The following PCGF5 variants were observed in gnomAD, a reference collection of about 807,000 sequenced individuals.
PCGF5 encodes the protein polycomb group RING finger protein 5.
A neutral mutation model predicts 44.3 loss-of-function variants in PCGF5; 9 were observed. That is an observed-to-expected ratio of 0.20 (90% CI 0.12 to 0.35). The LOEUF is 0.35. Ranked by LOEUF, PCGF5 falls within the 10% of genes least tolerant of loss-of-function variation. The pLI, the probability that PCGF5 is intolerant of heterozygous loss-of-function variation, is 1.00. For synonymous variants in PCGF5, 95 were observed against 102.5 expected (o/e 0.93, Z 0.44); for missense variants, 146 against 305.3 (o/e 0.48, Z 3.89).
chr10:91,214,254 A>G (rs915087775), intron 1 of PCGF5, among the ~76,000 whole-genome samples: 14 of 151,724 alleles, frequency 9.2e-5, no homozygotes, highest in African/African-American at 3.4e-4. Context: ...ATGAGGCGTG[A>G]TTGCACCACT....
intron 6 of PCGF5, 74 bp from the exon 7 acceptor site, chr10:91,261,252 A>G (rs1845901591): frequency 7.3e-7 from 1 of 1,363,640 alleles, no homozygotes; most frequent in Non-Finnish European, 9.6e-7. Flanking sequence ...ACTGGTAGCT[A>G]TGGTTTCACC....
chr10:91,249,448 A>C (rs1432155503), intron 5 of PCGF5, among the ~76,000 whole-genome samples: 2 of 147,194 alleles, frequency 1.4e-5, no homozygotes, highest in Admixed American at 6.8e-5. Flanking sequence ...AGGGATATTA[A>C]AATTATAAGA....
chr10:91,274,690 G>A (rs1347057540), intron 9 of PCGF5, among the ~76,000 whole-genome samples: 2 of 152,328 alleles, frequency 1.3e-5, no homozygotes, highest in African/African-American at 2.4e-5. Flanking sequence ...GCCAAGAGAA[G>A]CCCTCTTTGA....
Position 91,222,684 on chromosome 10 carries a change from A to C in PCGF5, c.-183-5A>C, listed in dbSNP as rs182260362. 12 of 513,196 alleles carry C rather than the reference A, an allele frequency of 2.3e-5. No individual in the cohort carries two copies. Among genetic ancestry groups the C allele is most frequent in the Non-Finnish European group, 4.1e-5 (12 of 290,026 alleles). The allele number at this position is 513,196 out of a possible 1,614,324, so 31.8% of individuals were successfully genotyped here. Reference sequence around the variant, plus strand: ...CTCATCTTTTTGAAATGATTTTGGAAACAGACATGGGAAAGCGGAACCACC... The same window carrying C: ...CTCATCTTTTTGAAATGATTTTGGACACAGACATGGGAAAGCGGAACCACC... On this transcript the variant is annotated splice_polypyrimidine_tract_variant and splice_region_variant and intron_variant, in intron 1 of 9. Transcript: ENST00000336126.
chr10:91,265,917 G>C (rs7921621), intron 8 of PCGF5, among the ~76,000 whole-genome samples: 19,875 of 152,094 alleles, frequency 0.13, 2,440 homozygotes, highest in African/African-American at 0.32. Flanking sequence ...TGAAGAACTT[G>C]TCATACATGT....
At chr10:91,206,439 A>C (rs1013360849) in intron 1 of PCGF5, among the ~76,000 whole-genome samples, 2 of 152,122 alleles carry the variant, frequency 1.3e-5, no homozygotes, top group Non-Finnish European at 2.9e-5. Flanking sequence ...GGATTAAAAG[A>C]GAGTGGGAGG....
intron 2 of PCGF5, chr10:91,227,934 A>G (rs1844892914): frequency 1.0e-6 from 1 of 976,818 alleles, no homozygotes; most frequent in Non-Finnish European, 1.2e-6. Flanking sequence ...AAAATCTTAA[A>G]TGAATAAATG....
chr10:91,223,196 T>C (rs1186645101), intron 2 of PCGF5, among the ~76,000 whole-genome samples: 4 of 152,238 alleles, frequency 2.6e-5, no homozygotes, highest in Admixed American at 1.3e-4. Context: ...TTGACTCTTA[T>C]CACATTGTAA....
chr10:91,255,963 A>G (rs1554850676), intron 6 of PCGF5, among the ~76,000 whole-genome samples: 1 of 152,076 alleles, frequency 6.6e-6, no homozygotes, highest in Non-Finnish European at 1.5e-5. Flanking sequence ...CTATGTAAGT[A>G]GTTGTTAATA....
chr10:91,242,790 C>A (rs116322091), intron 3 of PCGF5, among the ~76,000 whole-genome samples: 5,967 of 152,064 alleles, frequency 0.039, 376 homozygotes, highest in African/African-American at 0.13. Flanking sequence ...TGTGTCATGG[C>A]CCCTTACTCT....
chr10:91,178,551 G>A (rs548807076), intron 1 of PCGF5, among the ~76,000 whole-genome samples: 3 of 151,812 alleles, frequency 2.0e-5, no homozygotes, highest in African/African-American at 7.2e-5. Flanking sequence ...CACCACACCC[G>A]GCTAATTTTT....
chr10:91,262,097 C>T (rs538644975), intron 7 of PCGF5, among the ~76,000 whole-genome samples: 4 of 152,334 alleles, frequency 2.6e-5, no homozygotes, highest in South Asian at 4.1e-4. Flanking sequence ...ATTTCCCCTT[C>T]TTCCCTTTCG....
At chr10:91,275,607 A>AT (rs72439811) in intron 9 of PCGF5, among the ~76,000 whole-genome samples, 37,558 of 128,716 alleles carry the variant, frequency 0.29, 6,051 homozygotes, top group African/African-American at 0.38. Flanking sequence ...TGCCCGGCTA[A>AT]TTTTTTTTTT....
chr10:91,244,598 C>T (rs558475885), intron 3 of PCGF5, among the ~76,000 whole-genome samples: 5 of 152,128 alleles, frequency 3.3e-5, no homozygotes, highest in African/African-American at 1.2e-4. Context: ...GAACACCGCG[C>T]GTATAACAAG....
Position 91,283,546 on chromosome 10 carries a change from CCT to C in PCGF5, c.*5233_*5234del, listed in dbSNP as rs1846503148. On this transcript the variant is annotated 3_prime_UTR_variant, in exon 10 of 10. Transcript: ENST00000336126. ...ATAGTCAACAAATTTATTTATCCAT[CCT>C]CTGCACATCAGTCCACTGGAGCAGG... 6.6e-6 allele frequency: 1 copy of C among 152,168 alleles called. No individual in the cohort carries two copies. The highest frequency in any genetic ancestry group is 2.4e-5 in the African/African-American group (1 of 41,434). 9.4% of individuals were successfully genotyped at this position (152,168 alleles called of 1,614,324 possible). A position where few individuals can be genotyped will look rare whatever the true frequency, so the allele number is the denominator to read the frequency against.
At chr10:91,182,165 G>A (rs1313654354) in intron 1 of PCGF5, among the ~76,000 whole-genome samples, 2 of 151,704 alleles carry the variant, frequency 1.3e-5, no homozygotes, top group Non-Finnish European at 2.9e-5. Context: ...GATTGTGTTT[G>A]TTTGACCTTT....
intron 3 of PCGF5, among the ~76,000 whole-genome samples, chr10:91,242,872 A>T (rs1029705264): frequency 4.6e-5 from 7 of 152,198 alleles, no homozygotes. Flanking sequence ...TTGCATTGGT[A>T]TAATACTTTA....
Position 91,253,460 on chromosome 10 carries a change from A to G in PCGF5, c.474+2020A>G, listed in dbSNP as rs565468436. On this transcript the variant is annotated intron_variant, in intron 6 of 9. Transcript: ENST00000336126. ...GTGTTATGTCTCTATTTTTAAATAG[A>G]CCAGTTGAGAGTTTCACTAACACCG... is the stretch of plus-strand genomic sequence containing the variant. 4.3e-4 allele frequency among the ~76,000 whole-genome samples: 66 copies of G among 152,132 alleles called. 1 individual carries two copies. Among genetic ancestry groups the G allele is most frequent in the African/African-American group, 1.1e-3 (44 of 41,532 alleles).
At chr10:91,231,061 T>C (rs539226082) in intron 2 of PCGF5, among the ~76,000 whole-genome samples, 1 of 152,340 alleles carries the variant, frequency 6.6e-6, no homozygotes, top group Non-Finnish European at 1.5e-5. Flanking sequence ...TAACTTACTT[T>C]AATTGTCAAA....
Sources: gnomAD v4.1 joint callset for allele counts (sites outside exome capture counted in the v4.1 genomes callset) on GRCh38, gnomAD v4.1.1 for gene constraint, MANE v1.5 for transcripts, NCBI Gene and HGNC (gene_info 2026-07-23, HGNC 2026-07-21) for gene names.